NLGN1: variants seen among roughly 807,000 people sequenced by gnomAD.
The protein encoded by NLGN1 is neuroligin-1.
A neutral mutation model predicts 65.5 loss-of-function variants in NLGN1; 12 were observed. The ratio of observed to expected loss-of-function variants is 0.18; its 90% CI spans 0.12 to 0.30. The LOEUF (loss-of-function observed/expected upper bound fraction) is 0.30, where lower values mean the gene tolerates loss of function less well. Ranked by LOEUF, NLGN1 falls within the 10% of genes least tolerant of loss-of-function variation. The probability of loss-of-function intolerance (pLI) is 1.00; values close to 1 mark genes in which losing one functional copy is unlikely to be tolerated. For synonymous variants in NLGN1, 350 were observed against 359.5 expected, an observed-to-expected ratio of 0.97 and a Z score of 0.30; for missense variants, 750 against 1,007.1, an observed-to-expected ratio of 0.74 and a Z score of 3.46.
In NLGN1 at chr3:173,739,481, A is replaced by G. The variant is rs906150642; in HGVS notation, c.494-68199A>G. ...AAAGGAAACATTGCTTATCTTGTCA[A>G]CGGAAGGGGTTTGCTTATATTAATT... On this transcript the variant is annotated intron_variant, in intron 3 of 6. Transcript: ENST00000457714. Among the ~76,000 whole-genome samples, 3 of 152,092 alleles carry G rather than the reference A, an allele frequency of 2.0e-5. No homozygotes were observed. In the East Asian group the frequency reaches 5.8e-4, roughly 29 times the overall value.
intron 2 of NLGN1, among the ~76,000 whole-genome samples, chr3:173,546,451 G>A (rs1459073062): frequency 6.6e-6 from 1 of 152,090 alleles, no homozygotes; most frequent in Admixed American, 6.5e-5. Flanking sequence ...TGTGAGATGG[G>A]CAATATATAT....
intron 4 of NLGN1, among the ~76,000 whole-genome samples, chr3:174,052,346 A>G (rs920394141): frequency 6.6e-6 from 1 of 151,904 alleles, no homozygotes; most frequent in African/African-American, 2.4e-5. Flanking sequence ...TAATTATTAT[A>G]TTTTCCCTTG....
chr3:173,447,435 GGTACCA>G (rs1455539475), intron 2 of NLGN1, among the ~76,000 whole-genome samples: 6 of 152,040 alleles, frequency 3.9e-5, no homozygotes, highest in African/African-American at 1.5e-4. Flanking sequence ...TCTCTGTTTT[GGTACCA>G]GTACCAGGCT....
intron 3 of NLGN1, among the ~76,000 whole-genome samples, chr3:173,742,640 T>C (rs1227652501): frequency 6.6e-6 from 1 of 152,136 alleles, no homozygotes; most frequent in East Asian, 1.9e-4. Context: ...TTTTGGTCAT[T>C]TAAGAAAACA....
At chr3:173,398,439 C>T (rs1717024316), upstream of NLGN1, 1 of 152,204 alleles carries the variant, frequency 6.6e-6, no homozygotes, top group African/African-American at 2.4e-5. Flanking sequence ...GTATTCCAAA[C>T]ATTTAAACCG....
intron 2 of NLGN1, among the ~76,000 whole-genome samples, chr3:173,576,575 C>T (rs1031377434): frequency 6.6e-6 from 1 of 152,136 alleles, no homozygotes; most frequent in African/African-American, 2.4e-5. Flanking sequence ...CTCTTTCTCC[C>T]TCATCTCTGT....
chr3:173,493,426 T>C (rs1420281453), intron 2 of NLGN1, among the ~76,000 whole-genome samples: 1 of 151,906 alleles, frequency 6.6e-6, no homozygotes, highest in South Asian at 2.1e-4. Flanking sequence ...GCTGATAAAA[T>C]TGGGGATTAG....
chr3:174,028,953 C>T (rs1370813650), intron 4 of NLGN1, among the ~76,000 whole-genome samples: 2 of 151,874 alleles, frequency 1.3e-5, no homozygotes, highest in Non-Finnish European at 2.9e-5. Flanking sequence ...AAGGGGCCAA[C>T]ATAGAGCTCA....
intron 2 of NLGN1, among the ~76,000 whole-genome samples, chr3:173,513,379 T>A (rs1416180746): frequency 1.3e-5 from 2 of 152,138 alleles, no homozygotes; most frequent in African/African-American, 4.8e-5. Context: ...CTTCACCAAT[T>A]TGTCATTTAC....
intron 2 of NLGN1, among the ~76,000 whole-genome samples, chr3:173,594,741 C>T (rs1749159437): frequency 6.6e-6 from 1 of 152,236 alleles, no homozygotes; most frequent in South Asian, 2.1e-4. Context: ...TCAGCCTGGG[C>T]ATCCAGGCAT....
intron 3 of NLGN1, among the ~76,000 whole-genome samples, chr3:173,746,611 T>G (rs1775425502): frequency 6.6e-6 from 1 of 152,094 alleles, no homozygotes; most frequent in African/African-American, 2.4e-5. Flanking sequence ...TAAGTCTGAT[T>G]TGTCACATGC....
At chr3:174,212,047 G>C (rs1046015661) in intron 4 of NLGN1, among the ~76,000 whole-genome samples, 1 of 152,190 alleles carries the variant, frequency 6.6e-6, no homozygotes, top group Non-Finnish European at 1.5e-5. Context: ...GGAGGCTCGG[G>C]CTGCACAGGA....
chr3:173,409,453 C>T (rs999511161), intron 1 of NLGN1, among the ~76,000 whole-genome samples: 5 of 152,080 alleles, frequency 3.3e-5, no homozygotes, highest in African/African-American at 1.2e-4. Flanking sequence ...TCACTGGCCC[C>T]TAGAAAACGT....
chr3:174,098,581 G>C lies in NLGN1; in HGVS notation c.647-176734G>C, dbSNP rs1468390948. 2.6e-5 allele frequency among the ~76,000 whole-genome samples: 4 copies of C among 152,240 alleles called. No homozygotes were observed. In the East Asian group the frequency reaches 7.7e-4, roughly 29 times the overall value. On this transcript the variant is annotated intron_variant, in intron 4 of 6. Transcript: ENST00000457714. ...TCTCATCTTTCTGCAGTCCTACTGA[G>C]GACTGATTTCACTAGAGTATAGAAT...
At chr3:174,220,891 T>C (rs973086858) in intron 4 of NLGN1, among the ~76,000 whole-genome samples, 9 of 152,154 alleles carry the variant, frequency 5.9e-5, no homozygotes, top group African/African-American at 2.2e-4. Context: ...ACAAAAGGAA[T>C]TCTATGGCAG....
intron 4 of NLGN1, among the ~76,000 whole-genome samples, chr3:174,027,887 T>C (rs1394614864): frequency 6.6e-6 from 1 of 152,130 alleles, no homozygotes; most frequent in Non-Finnish European, 1.5e-5. Context: ...ATTGTGATAA[T>C]CTCCATGTGT....
intron 4 of NLGN1, among the ~76,000 whole-genome samples, chr3:173,812,435 G>C (rs6777101): frequency 0.64 from 97,890 of 151,854 alleles, 32,484 homozygotes; most frequent in Non-Finnish European, 0.73. Context: ...GCAACAATAA[G>C]TATAACTTTA....
At chr3:173,856,517 C>T (rs192119116) in intron 4 of NLGN1, among the ~76,000 whole-genome samples, 2 of 152,162 alleles carry the variant, frequency 1.3e-5, no homozygotes, top group Admixed American at 1.3e-4. Flanking sequence ...CTGTGTTTGT[C>T]AGAGGTTGAA....
intron 4 of NLGN1, among the ~76,000 whole-genome samples, chr3:174,215,697 T>C (rs1737462103): frequency 1.3e-5 from 2 of 152,076 alleles, no homozygotes; most frequent in Non-Finnish European, 2.9e-5. Flanking sequence ...AAGCAGCTAA[T>C]TCAAATGAAC....
Sources: allele counts gnomAD v4.1 joint callset (sites outside exome capture counted in the v4.1 genomes callset), GRCh38; gene constraint gnomAD v4.1.1; transcripts MANE v1.5; gene names NCBI Gene and HGNC (gene_info 2026-07-23, HGNC 2026-07-21).